The following KCNJ6 variants were observed in gnomAD, a reference collection of about 807,000 sequenced individuals.
KCNJ6 encodes the protein G protein-activated inward rectifier potassium channel 2.
KCNJ6 carries 9 observed loss-of-function variants against 34.2 expected under a neutral mutation model. The ratio of observed to expected loss-of-function variants is 0.26; its 90% confidence interval spans 0.16 to 0.46. KCNJ6 has a LOEUF of 0.46. KCNJ6 is among the 20% of genes least tolerant of loss of function. The probability of loss-of-function intolerance (pLI) is 1.00; values close to 1 mark genes in which losing one functional copy is unlikely to be tolerated. For missense variants in KCNJ6, 236 were observed against 531.3 expected (o/e 0.44, Z 5.46); for synonymous variants, 196 against 207.1 (o/e 0.95, Z 0.46).
At chr21:37,813,217 A>G (rs1380232993) in intron 2 of KCNJ6, among the ~76,000 whole-genome samples, 1 of 152,246 alleles carries the variant, frequency 6.6e-6, no homozygotes, top group Non-Finnish European at 1.5e-5. Flanking sequence ...GAAAATCTCT[A>G]TAATGAAAAC....
chr21:37,702,196 G>C (rs1264981250), intron 3 of KCNJ6, among the ~76,000 whole-genome samples: 2 of 127,262 alleles, frequency 1.6e-5, no homozygotes, highest in South Asian at 5.3e-4. Flanking sequence ...TCGTACCACT[G>C]CACTCTAGCC....
intron 3 of KCNJ6, among the ~76,000 whole-genome samples, chr21:37,666,358 A>G (rs554169508): frequency 6.6e-6 from 1 of 152,242 alleles, no homozygotes; most frequent in South Asian, 2.1e-4. Context: ...GACTTGGCTC[A>G]GGGGCTCCTG....
intron 1 of KCNJ6, among the ~76,000 whole-genome samples, chr21:37,878,897 T>C (rs2055692641): frequency 6.6e-6 from 1 of 152,182 alleles, no homozygotes; most frequent in Non-Finnish European, 1.5e-5. Context: ...ATGTTCCTGA[T>C]AGACCAACAC....
At chr21:37,737,447 C>T (rs963160231) in intron 2 of KCNJ6, among the ~76,000 whole-genome samples, 6 of 147,870 alleles carry the variant, frequency 4.1e-5, no homozygotes, top group Non-Finnish European at 6.0e-5. Context: ...GTCAAGAGGG[C>T]GATTTCTCTG....
chr21:37,833,094 A>G (rs1436142632), intron 2 of KCNJ6, among the ~76,000 whole-genome samples: 1 of 151,916 alleles, frequency 6.6e-6, no homozygotes, highest in Non-Finnish European at 1.5e-5. Context: ...GGCTAACTGC[A>G]ACCTCCACCT....
At chr21:37,656,905 G>A (rs2054466825) in intron 3 of KCNJ6, among the ~76,000 whole-genome samples, 2 of 152,294 alleles carry the variant, frequency 1.3e-5, no homozygotes, top group Admixed American at 6.5e-5. Flanking sequence ...GCACCCCAGC[G>A]CCAGGGTACT....
chr21:37,838,556 G>A (rs1365468208), intron 2 of KCNJ6, among the ~76,000 whole-genome samples: 2 of 152,208 alleles, frequency 1.3e-5, no homozygotes, highest in East Asian at 1.9e-4. Flanking sequence ...TTTAGAGAAC[G>A]TGGCGAATTT....
chr21:37,641,339 G>T (rs1216323153), intron 3 of KCNJ6, among the ~76,000 whole-genome samples: 3 of 152,074 alleles, frequency 2.0e-5, no homozygotes, highest in Non-Finnish European at 4.4e-5. Context: ...AATCTATTAT[G>T]TGTCAGGCAC....
At chr21:37,777,600 G>A (rs1223306819) in intron 2 of KCNJ6, among the ~76,000 whole-genome samples, 1 of 152,136 alleles carries the variant, frequency 6.6e-6, no homozygotes, top group Non-Finnish European at 1.5e-5. Context: ...CAGGTACTAA[G>A]TATTATGCTC....
Position 37,616,608 on chromosome 21 carries a change from T to TATATATATATATATATAC in KCNJ6, c.*8550_*8551insGTATATATATATATATAT, listed in dbSNP as rs1410739814. On this transcript the variant is annotated 3_prime_UTR_variant, in exon 4 of 4. Coordinates refer to ENST00000609713, the MANE Select transcript of KCNJ6 (RefSeq NM_002240.5). The stretch of plus-strand genomic sequence containing the variant: ...AAATGTACATATATATATATATATA[T>TATATATATATATATATAC]ATATATATGGTTAGACTCTGAACAT... 1 of 127,520 alleles carries TATATATATATATATATAC rather than the reference T, an allele frequency of 7.8e-6. No homozygotes were observed. The allele number at this position is 127,520 out of a possible 1,614,324, so 7.9% of individuals were successfully genotyped here. A position where few individuals can be genotyped will look rare whatever the true frequency, so the allele number is the denominator to read the frequency against.
At chr21:37,711,704 G>GAGCA (rs2054753076) in intron 3 of KCNJ6, among the ~76,000 whole-genome samples, 1 of 152,104 alleles carries the variant, frequency 6.6e-6, no homozygotes, top group Non-Finnish European at 1.5e-5. Flanking sequence ...AAGCGTAAGA[G>GAGCA]AGCAGCTGTG....
At position 37,615,277 on chromosome 21, in the gene KCNJ6, G is replaced by T. The variant is rs1467521226; in HGVS notation, c.*9882C>A. On this transcript the variant is annotated 3_prime_UTR_variant, in exon 4 of 4. Transcript: ENST00000609713. ...TTTTTTTTTTTTTTTTTTTGAGACG[G>T]AGTCTCGCTCTGTCGCCCAGGTCGG... 3.3e-5 allele frequency: 4 copies of T among 122,884 alleles called. No individual in the cohort carries two copies. Among genetic ancestry groups the T allele is most frequent in the African/African-American group, 1.1e-4 (3 of 27,924 alleles). The allele number at this position is 122,884 out of a possible 1,614,324, so 7.6% of individuals were successfully genotyped here. A position where few individuals can be genotyped will look rare whatever the true frequency, so the allele number is the denominator to read the frequency against.
chr21:37,853,389 T>TG (rs111824845), intron 1 of KCNJ6, among the ~76,000 whole-genome samples: 20 of 136,846 alleles, frequency 1.5e-4, no homozygotes, highest in East Asian at 1.4e-3. Context: ...TTTCAACCAC[T>TG]GGGAAAAAAA....
chr21:37,737,620 C>CT, intron 2 of KCNJ6, among the ~76,000 whole-genome samples: 2 of 152,222 alleles, frequency 1.3e-5, no homozygotes, highest in Non-Finnish European at 2.9e-5. Flanking sequence ...TGATTCCCTT[C>CT]TGCCCAGTCA....
intron 2 of KCNJ6, among the ~76,000 whole-genome samples, chr21:37,811,224 T>C (rs1477995203): frequency 2.6e-5 from 4 of 152,198 alleles, no homozygotes; most frequent in Non-Finnish European, 5.9e-5. Flanking sequence ...CTCTCAGACC[T>C]TTCTAACCTT....
chr21:37,723,967 G>A (rs2054840656), intron 2 of KCNJ6, among the ~76,000 whole-genome samples: 1 of 152,116 alleles, frequency 6.6e-6, no homozygotes, highest in Non-Finnish European at 1.5e-5. Context: ...AACAGCATGT[G>A]TAAAAGTCTT....
chr21:37,851,685 T>C (rs1274268127), intron 1 of KCNJ6, among the ~76,000 whole-genome samples: 1 of 152,182 alleles, frequency 6.6e-6, no homozygotes, highest in Non-Finnish European at 1.5e-5. Context: ...CTTCTTTTTT[T>C]TTCTCTATTT....
Position 37,610,630 on chromosome 21 carries a change from G to GTCCTACAA in KCNJ6, c.*14521_*14528dup, listed in dbSNP as rs1359440855. On this transcript the variant is annotated 3_prime_UTR_variant, in exon 4 of 4. Coordinates refer to ENST00000609713, the MANE Select transcript of KCNJ6 (RefSeq NM_002240.5). ...AAAAAAAAAAAAAAAAGGAATACAA[G>GTCCTACAA]TCCTACAATGTTTGCTCTTAGATAA... 2 of 121,614 alleles carry GTCCTACAA rather than the reference G, an allele frequency of 1.6e-5. No individual in the cohort carries two copies. Among genetic ancestry groups the GTCCTACAA allele is most frequent in the Admixed American group, 1.6e-4 (2 of 12,248 alleles). 7.5% of individuals were successfully genotyped at this position (121,614 alleles called of 1,614,324 possible). A position where few individuals can be genotyped will look rare whatever the true frequency, so the allele number is the denominator to read the frequency against.
At chr21:37,758,625 C>T (rs188867580) in intron 2 of KCNJ6, among the ~76,000 whole-genome samples, 1 of 152,036 alleles carries the variant, frequency 6.6e-6, no homozygotes, top group East Asian at 1.9e-4. Flanking sequence ...ATTGTACAGA[C>T]ATAGGAGTAA....
Sources: allele counts gnomAD v4.1 joint callset (sites outside exome capture counted in the v4.1 genomes callset), GRCh38; gene constraint gnomAD v4.1.1; transcripts MANE v1.5; gene names NCBI Gene and HGNC (gene_info 2026-07-23, HGNC 2026-07-21).